PAIP2: variants seen among roughly 807,000 people sequenced by gnomAD.
PAIP2 encodes the protein poly(A) binding protein interacting protein 2.
Under a neutral mutation model 14.8 loss-of-function variants are expected in PAIP2, and 7 were observed. The observed-to-expected ratio is 0.47, with a 90% confidence interval of 0.27 to 0.89. The LOEUF (loss-of-function observed/expected upper bound fraction) is 0.89. Ranked by LOEUF, PAIP2 falls within the 40% of genes least tolerant of loss-of-function variation. The pLI is 0.13. For synonymous variants in PAIP2, 47 were observed against 45.3 expected (o/e 1.04, Z -0.15); for missense variants, 122 against 154.7 (o/e 0.79, Z 1.12).
At chr5:139,346,332 C>G (rs1193970954) in intron 1 of PAIP2, among the ~76,000 whole-genome samples, 1 of 152,212 alleles carries the variant, frequency 6.6e-6, no homozygotes, top group Non-Finnish European at 1.5e-5. Context: ...ACCTCCGCCT[C>G]CCAGGTTCCA....
chr5:139,354,945 G>C (rs948036515), intron 1 of PAIP2, among the ~76,000 whole-genome samples: 8 of 149,890 alleles, frequency 5.3e-5, no homozygotes, highest in African/African-American at 2.0e-4. Context: ...TCAGCCTCCT[G>C]AGTAGCTGGG....
At chr5:139,355,664 G>A (rs1756886310) in intron 1 of PAIP2, among the ~76,000 whole-genome samples, 1 of 152,096 alleles carries the variant, frequency 6.6e-6, no homozygotes, top group Non-Finnish European at 1.5e-5. Context: ...AGACCAACCT[G>A]GCCAACATGG....
intron 1 of PAIP2, among the ~76,000 whole-genome samples, chr5:139,359,048 C>G (rs1241645206): frequency 4.6e-5 from 7 of 152,150 alleles, no homozygotes; most frequent in Non-Finnish European, 1.0e-4. Context: ...GCGATCATGG[C>G]TCTCTGCAGC....
intron 3 of PAIP2, chr5:139,365,109 A>G (rs1454732563): frequency 6.6e-6 from 1 of 152,636 alleles, no homozygotes; most frequent in Non-Finnish European, 1.5e-5. Flanking sequence ...GCACCATTGC[A>G]CTCCAGCCTG....
At chr5:139,367,106 T>A (rs1757294103) in intron 3 of PAIP2, 3 of 152,210 alleles carry the variant, frequency 2.0e-5, no homozygotes, top group Admixed American at 2.0e-4. Flanking sequence ...AACTTCACAC[T>A]TTTAAAATGT....
Position 139,364,633 on chromosome 5 carries a change from G to A in PAIP2, c.208G>A (p.Glu70Lys), listed in dbSNP as rs3898166. 6.2e-7 allele frequency: 1 copy of A among 1,611,200 alleles called. No homozygotes were observed. The highest frequency in any genetic ancestry group is 1.3e-5 in the African/African-American group (1 of 74,864). Reference sequence around the variant, plus strand: ...CCAAGAAATGCTGGAAGAGGAAGAAGAGCATGAATGGTTTATTCCAGCTCG... The same window carrying A: ...CCAAGAAATGCTGGAAGAGGAAGAAAAGCATGAATGGTTTATTCCAGCTCG... ...CFQEMLEEEE[E>K]HEWFIPARDL... The change falls in exon 3 of 4, where the codon GAG becomes AAG. Residue 70 changes from glutamate (E) to lysine (K), a missense_variant. Glu to Lys is a moderately conservative substitution (Grantham distance 56). Transcript: ENST00000265192.
intron 1 of PAIP2, among the ~76,000 whole-genome samples, chr5:139,355,181 T>TC (rs1756871986): frequency 6.7e-6 from 1 of 150,188 alleles, no homozygotes. Context: ...TTTTTTTTTT[T>TC]TTTGGAGACA....
chr5:139,363,235 T>G (rs558552937), intron 1 of PAIP2, among the ~76,000 whole-genome samples: 1 of 151,362 alleles, frequency 6.6e-6, no homozygotes, highest in African/African-American at 2.4e-5. Context: ...AGTGAAACTC[T>G]ATCTCAAAAA....
intron 1 of PAIP2, among the ~76,000 whole-genome samples, chr5:139,357,499 A>G (rs1581311099): frequency 6.6e-6 from 1 of 152,268 alleles, no homozygotes; most frequent in African/African-American, 2.4e-5. Context: ...CCAGTCCTTC[A>G]GGGAGCCAGG....
chr5:139,354,976 CA>C (rs1348409606), intron 1 of PAIP2, among the ~76,000 whole-genome samples: 1 of 151,766 alleles, frequency 6.6e-6, no homozygotes, highest in Non-Finnish European at 1.5e-5. Flanking sequence ...CGTGCTACCA[CA>C]TCTGGCTAAT....
chr5:139,343,377 G>C (rs946880661), intron 1 of PAIP2: 1 of 152,184 alleles, frequency 6.6e-6, no homozygotes, highest in African/African-American at 2.4e-5. Flanking sequence ...TCAAGGCTGT[G>C]CACGTTGCTC....
chr5:139,361,176 A>G (rs774664712), intron 1 of PAIP2, among the ~76,000 whole-genome samples: 1 of 151,882 alleles, frequency 6.6e-6, no homozygotes, highest in Non-Finnish European at 1.5e-5. Flanking sequence ...TTTCACCACT[A>G]TGATCCTGTT....
At chr5:139,352,816 A>G (rs1055258362) in intron 1 of PAIP2, among the ~76,000 whole-genome samples, 1 of 151,732 alleles carries the variant, frequency 6.6e-6, no homozygotes, top group Non-Finnish European at 1.5e-5. Flanking sequence ...TGAGCCAAAG[A>G]TAAGATAGTA....
At position 139,364,043 on chromosome 5, in the gene PAIP2, C is replaced by T. The variant is rs76411351; in HGVS notation, c.138+121C>T. 8.9e-4 allele frequency: 714 copies of T among 802,352 alleles called. 5 individuals carry two copies. In the African/African-American group the frequency reaches 0.011, roughly 12 times the overall value. The allele number at this position is 802,352 out of a possible 1,614,324, so 49.7% of individuals were successfully genotyped here. On this transcript the variant is annotated intron_variant, in intron 2 of 3. Coordinates refer to ENST00000265192, the MANE Select transcript of PAIP2 (RefSeq NM_016480.5). Reference sequence around the variant, plus strand: ...TAAAGTATGTAGACTGATGTGCCACCACTCCTGTTTATTTGGCTGCTGATT... The same window carrying T: ...TAAAGTATGTAGACTGATGTGCCACTACTCCTGTTTATTTGGCTGCTGATT...
At chr5:139,355,581 T>A (rs1330273303) in intron 1 of PAIP2, among the ~76,000 whole-genome samples, 1 of 152,200 alleles carries the variant, frequency 6.6e-6, no homozygotes, top group Non-Finnish European at 1.5e-5. Context: ...TATACTTGAT[T>A]TGAAGTCTTT....
rs1391700852 is a variant in PAIP2, at chr5:139,368,880, C to G, written c.*82C>G. ...ATTAGAAGACTTAATTGTAAAAGCT[C>G]TCTTGTCACTGTGTTACACTTATGC... is the stretch of plus-strand genomic sequence containing the variant. On this transcript the variant is annotated 3_prime_UTR_variant, in exon 4 of 4. Coordinates refer to ENST00000265192, the MANE Select transcript of PAIP2 (RefSeq NM_016480.5). 11 of 1,043,556 alleles carry G rather than the reference C, an allele frequency of 1.1e-5. No individual in the cohort carries two copies. Among genetic ancestry groups the G allele is most frequent in the Non-Finnish European group, 1.6e-5 (11 of 674,554 alleles). 64.6% of individuals were successfully genotyped at this position (1,043,556 alleles called of 1,614,324 possible).
At position 139,364,830 on chromosome 5, in the gene PAIP2, C is replaced by T; in HGVS notation, c.318+87C>T. The stretch of plus-strand genomic sequence containing the variant: ...AGCTCCCATCTATTTAAGAATTCTA[C>T]ATCTCTTTCCCCTTCAGAAATTGTG... On this transcript the variant is annotated intron_variant, in intron 3 of 3. Transcript: ENST00000265192. The T allele has an allele frequency of 4.7e-6, 4 of 845,282 alleles. No homozygotes were observed. The South Asian group carries it at 5.2e-5, about 11-fold the overall frequency. 52.4% of individuals were successfully genotyped at this position (845,282 alleles called of 1,614,324 possible).
intron 1 of PAIP2, among the ~76,000 whole-genome samples, chr5:139,345,626 A>T (rs1308121829): frequency 2.2e-5 from 3 of 138,966 alleles, no homozygotes; most frequent in Non-Finnish European, 4.7e-5. Flanking sequence ...CTATGCTTGA[A>T]TTTTTTTTTT....
intron 1 of PAIP2, among the ~76,000 whole-genome samples, chr5:139,353,136 T>C (rs1024978808): frequency 6.6e-6 from 1 of 151,926 alleles, no homozygotes; most frequent in African/African-American, 2.4e-5. Flanking sequence ...CAGCTGAGTA[T>C]AGTCAGCCTC....
Sources: allele counts gnomAD v4.1 joint callset (sites outside exome capture counted in the v4.1 genomes callset), GRCh38; gene constraint gnomAD v4.1.1; transcripts MANE v1.5; gene names NCBI Gene and HGNC (gene_info 2026-07-23, HGNC 2026-07-21).